Variants in WDFY2 observed in about 807,000 individuals in gnomAD.
WDFY2 encodes WD repeat and FYVE domain containing 2, also known as WD repeat and FYVE domain-containing protein 2.
In WDFY2, 36 loss-of-function variants were observed where a neutral mutation model predicts 56.4. The observed-to-expected ratio is 0.64, with a 90% CI of 0.49 to 0.84. The LOEUF (loss-of-function observed/expected upper bound fraction) is 0.84, where lower values mean the gene tolerates loss of function less well. WDFY2 is among the 40% of genes least tolerant of loss of function. The pLI is 0.00. For missense variants in WDFY2, 444 were observed against 512.2 expected, an observed-to-expected ratio of 0.87 and a Z score of 1.29; for synonymous variants, 176 against 183.7, an observed-to-expected ratio of 0.96 and a Z score of 0.34.
chr13:51,666,181 G>A (rs1353184941), intron 2 of WDFY2, among the ~76,000 whole-genome samples: 1 of 152,208 alleles, frequency 6.6e-6, no homozygotes, highest in Non-Finnish European at 1.5e-5. Flanking sequence ...CAGCATGAAC[G>A]ATAGTCTGAT....
chr13:51,671,558 C>A (rs1330669754), intron 2 of WDFY2, among the ~76,000 whole-genome samples: 1 of 151,796 alleles, frequency 6.6e-6, no homozygotes, highest in East Asian at 1.9e-4. Flanking sequence ...TGATGGGGTT[C>A]TTTTTGTGTG....
intron 1 of WDFY2, among the ~76,000 whole-genome samples, chr13:51,592,776 A>AT (rs1954075301): frequency 1.3e-5 from 2 of 152,210 alleles, no homozygotes; most frequent in African/African-American, 4.8e-5. Flanking sequence ...ATCAACTTAA[A>AT]TTTTAAATAA....
At chr13:51,639,190 ACTTTGATAT>A (rs1955110204) in intron 1 of WDFY2, among the ~76,000 whole-genome samples, 1 of 152,206 alleles carries the variant, frequency 6.6e-6, no homozygotes, top group East Asian at 1.9e-4. Flanking sequence ...TACACCATGT[ACTTTGATAT>A]ATCAAGGAAC....
chr13:51,695,081 G>A (rs961123370), intron 3 of WDFY2, among the ~76,000 whole-genome samples: 9 of 151,990 alleles, frequency 5.9e-5, no homozygotes, highest in South Asian at 2.1e-4. Flanking sequence ...TTATACATTC[G>A]TCTAAATTTT....
intron 8 of WDFY2, among the ~76,000 whole-genome samples, chr13:51,752,113 A>G (rs557572213): frequency 1.4e-4 from 21 of 152,364 alleles, no homozygotes; most frequent in Non-Finnish European, 2.8e-4. Flanking sequence ...CAAAAATTAC[A>G]TAGAAAAGCA....
chr13:51,664,133 C>CAG (rs1344617454), intron 2 of WDFY2, among the ~76,000 whole-genome samples: 1 of 152,092 alleles, frequency 6.6e-6, no homozygotes, highest in Non-Finnish European at 1.5e-5. Context: ...GCTTAAAAGG[C>CAG]AGAGTGTGAT....
In WDFY2 at chr13:51,767,509, A is replaced by C. The variant is rs1046703859; in HGVS notation, c.*7740A>C. 1 of 152,156 alleles carries C rather than the reference A, an allele frequency of 6.6e-6. No individual in the cohort carries two copies. The highest frequency in any genetic ancestry group is 1.5e-5 in the Non-Finnish European group (1 of 68,076). 9.4% of individuals were successfully genotyped at this position (152,156 alleles called of 1,614,324 possible). On this transcript the variant is annotated 3_prime_UTR_variant, in exon 12 of 12. Transcript: ENST00000298125. ...ATGAGTTACGTTTATTCCACCATGG[A>C]CACCAAGAATGTATGTAGATGTATT...
intron 1 of WDFY2, among the ~76,000 whole-genome samples, chr13:51,628,431 G>A (rs1467134137): frequency 6.6e-6 from 1 of 152,242 alleles, no homozygotes; most frequent in Non-Finnish European, 1.5e-5. Context: ...TTGAGCCTGT[G>A]GGGACAGGAG....
chr13:51,720,339 A>G (rs1952459819), intron 5 of WDFY2, among the ~76,000 whole-genome samples: 1 of 152,214 alleles, frequency 6.6e-6, no homozygotes, highest in Non-Finnish European at 1.5e-5. Flanking sequence ...GAAACTTAGA[A>G]TGACCATTGT....
chr13:51,610,356 T>C (rs2138333370), intron 1 of WDFY2, among the ~76,000 whole-genome samples: 1 of 152,310 alleles, frequency 6.6e-6, no homozygotes, highest in Middle Eastern at 3.4e-3. Flanking sequence ...AATGGAAAGT[T>C]TAAAGGAATA....
chr13:51,751,240 C>T, intron 7 of WDFY2, 70 bp from the exon 8 acceptor site: 2 of 1,508,022 alleles, frequency 1.3e-6, no homozygotes. Context: ...GCTGACTTTG[C>T]CAAGGTTTCT....
intron 7 of WDFY2, among the ~76,000 whole-genome samples, chr13:51,744,921 A>G (rs979461294): frequency 2.0e-5 from 3 of 152,272 alleles, no homozygotes; most frequent in Non-Finnish European, 4.4e-5. Flanking sequence ...CTAAATCAAG[A>G]AGTCCCAGAG....
intron 1 of WDFY2, among the ~76,000 whole-genome samples, chr13:51,653,901 T>C (rs1448039518): frequency 2.6e-5 from 4 of 152,202 alleles, no homozygotes; most frequent in East Asian, 1.9e-4. Flanking sequence ...TCTCAAGCTG[T>C]GTGCTGGGAG....
chr13:51,703,062 G>T (rs1381836084), intron 3 of WDFY2, among the ~76,000 whole-genome samples: 2 of 152,192 alleles, frequency 1.3e-5, no homozygotes, highest in African/African-American at 4.8e-5. Context: ...AAGTGCTTTT[G>T]TGTGACCATT....
At chr13:51,625,818 C>T (rs557440544) in intron 1 of WDFY2, among the ~76,000 whole-genome samples, 1 of 152,178 alleles carries the variant, frequency 6.6e-6, no homozygotes, top group Non-Finnish European at 1.5e-5. Flanking sequence ...GCCAGGACTT[C>T]GAAAAGGAAG....
At chr13:51,690,831 A>G (rs902952040) in intron 3 of WDFY2, among the ~76,000 whole-genome samples, 2 of 152,164 alleles carry the variant, frequency 1.3e-5, no homozygotes, top group African/African-American at 4.8e-5. Flanking sequence ...AAGTGTTCCT[A>G]TTACTCCACA....
At chr13:51,707,809 A>G (rs1015303246) in intron 4 of WDFY2, among the ~76,000 whole-genome samples, 10 of 152,158 alleles carry the variant, frequency 6.6e-5, no homozygotes, top group Admixed American at 3.3e-4. Flanking sequence ...ATGTGCAACA[A>G]TAACACAAAG....
intron 1 of WDFY2, among the ~76,000 whole-genome samples, chr13:51,618,614 T>C (rs1954667295): frequency 6.6e-6 from 1 of 152,248 alleles, no homozygotes; most frequent in African/African-American, 2.4e-5. Flanking sequence ...TTTCCTAATT[T>C]ATAGAGTATA....
chr13:51,706,097 A>G (rs1425068978), intron 4 of WDFY2, among the ~76,000 whole-genome samples: 1 of 152,192 alleles, frequency 6.6e-6, no homozygotes, highest in African/African-American at 2.4e-5. Context: ...GTCTCTTAAT[A>G]TTTCATATAA....
Sources: gnomAD v4.1 joint callset for allele counts (sites outside exome capture counted in the v4.1 genomes callset) on GRCh38, gnomAD v4.1.1 for gene constraint, MANE v1.5 for transcripts, NCBI Gene and HGNC (gene_info 2026-07-23, HGNC 2026-07-21) for gene names.